The following GLI2 variants were observed in gnomAD, a reference collection of about 807,000 sequenced individuals.
GLI2 encodes transcription activator GLI2.
GLI2 carries 22 observed loss-of-function variants against 78.9 expected under a neutral mutation model. That is an observed-to-expected ratio of 0.28 (90% CI 0.20 to 0.40). The LOEUF (loss-of-function observed/expected upper bound fraction) is 0.40. Ranked by LOEUF, GLI2 falls within the 10% of genes least tolerant of loss-of-function variation. The pLI, the probability that GLI2 is intolerant of heterozygous loss-of-function variation, is 1.00. For missense variants in GLI2, 2,097 were observed against 2,213.2 expected (o/e 0.95, Z 1.05); for synonymous variants, 974 against 963.7 (o/e 1.01, Z -0.20).
At chr2:120,785,819 C>G (rs1683981464) in intron 1 of GLI2, among the ~76,000 whole-genome samples, 1 of 152,214 alleles carries the variant, frequency 6.6e-6, no homozygotes, top group Non-Finnish European at 1.5e-5. Context: ...TATCTCACAC[C>G]CAGAGTTGCA....
chr2:120,912,751 C>T (rs893725490), intron 2 of GLI2, among the ~76,000 whole-genome samples: 11 of 152,106 alleles, frequency 7.2e-5, no homozygotes, highest in African/African-American at 2.7e-4. Context: ...TGTCGAAGAT[C>T]TCGGGAGTCC....
intron 1 of GLI2, among the ~76,000 whole-genome samples, chr2:120,746,054 T>G (rs1161926897): frequency 6.6e-6 from 1 of 152,196 alleles, no homozygotes; most frequent in Admixed American, 6.5e-5. Context: ...TAGGACCTGG[T>G]GCCCAGCCCA....
intron 2 of GLI2, among the ~76,000 whole-genome samples, chr2:120,889,631 G>GTTTTT (rs1361903372): frequency 6.6e-6 from 1 of 151,918 alleles, no homozygotes; most frequent in Non-Finnish European, 1.5e-5. Context: ...AAACTCAACA[G>GTTTTT]TAAAAAAGAA....
intron 2 of GLI2, among the ~76,000 whole-genome samples, chr2:120,811,699 G>A (rs1362695322): frequency 6.6e-6 from 1 of 152,142 alleles, no homozygotes; most frequent in African/African-American, 2.4e-5. Flanking sequence ...AGGGGTAGTA[G>A]GGAGCCATTG....
In GLI2 at chr2:120,869,808, AACCCGTTCCC is replaced by A. The variant is rs1360473879; in HGVS notation, c.149-57552_149-57543del. On this transcript the variant is annotated intron_variant, in intron 2 of 13. Transcript: ENST00000361492. ...CTAAGGAAGGAAGGAAATGCAAGCAAACCCGTTCCCCAAGGTCAAAGGACACCCCCTCCTG... is the reference window on the plus strand; with the variant it reads ...CTAAGGAAGGAAGGAAATGCAAGCAACAAGGTCAAAGGACACCCCCTCCTG... Among the ~76,000 whole-genome samples the A allele has an allele frequency of 3.9e-4, 60 of 152,138 alleles. 1 individual carries two copies. The East Asian group carries it at 0.011, about 28-fold the overall frequency.
intron 2 of GLI2, among the ~76,000 whole-genome samples, chr2:120,912,500 A>G (rs1441296549): frequency 1.3e-5 from 2 of 152,098 alleles, no homozygotes; most frequent in Non-Finnish European, 2.9e-5. Flanking sequence ...TGGACACCGT[A>G]TCCCAGCAAA....
intron 2 of GLI2, among the ~76,000 whole-genome samples, chr2:120,882,098 A>G (rs1677182515): frequency 6.6e-6 from 1 of 152,054 alleles, no homozygotes; most frequent in African/African-American, 2.4e-5. Context: ...CCACTTCAGG[A>G]GTTGAACTTG....
At position 120,990,387 on chromosome 2, in the gene GLI2, A is replaced by T; in HGVS notation, c.4422A>T (p.Pro1474=). The T allele has an allele frequency of 1.9e-6, 3 of 1,614,016 alleles. No homozygotes were observed. Among genetic ancestry groups the T allele is most frequent in the Middle Eastern group, 1.6e-4 (1 of 6,062 alleles). Reference sequence around the variant, plus strand: ...TCCAGCCCCAGCCCTTGCCCTCACCAGGGGTCAACCAGGTGTCCAGCACTG... The same window carrying T: ...TCCAGCCCCAGCCCTTGCCCTCACCTGGGGTCAACCAGGTGTCCAGCACTG... ...DSIQPQPLPS[P]GVNQVSSTVD... is the part of the protein sequence containing the mutation. The change falls in exon 14 of 14, where the codon CCA becomes CCT. Residue 1474 remains proline, a synonymous_variant. Coordinates refer to ENST00000361492, the MANE Select transcript of GLI2 (RefSeq NM_001374353.1).
chr2:120,975,158 C>T, intron 9 of GLI2, 49 bp downstream of exon 9: 1 of 1,590,486 alleles, frequency 6.3e-7, no homozygotes. Context: ...CGGCCCAGGC[C>T]ATGCAGGATG....
At chr2:120,894,838 A>G (rs1419383689) in intron 2 of GLI2, among the ~76,000 whole-genome samples, 1 of 152,100 alleles carries the variant, frequency 6.6e-6, no homozygotes, top group East Asian at 1.9e-4. Flanking sequence ...AGCTGGGACT[A>G]CAGGCGCCTG....
chr2:120,841,978 G>T (rs1169947668), intron 2 of GLI2, among the ~76,000 whole-genome samples: 1 of 143,648 alleles, frequency 7.0e-6, no homozygotes, highest in Non-Finnish European at 1.5e-5. Flanking sequence ...TTGGCTTTTG[G>T]TAAGTTTTTT....
intron 12 of GLI2, 53 bp from the exon 13 acceptor site, chr2:120,986,225 A>G (rs1002761009): frequency 4.0e-6 from 6 of 1,517,556 alleles, no homozygotes; most frequent in Non-Finnish European, 5.5e-6. Context: ...AGGCAGGACC[A>G]GGTGGAATCT....
intron 2 of GLI2, among the ~76,000 whole-genome samples, chr2:120,825,816 C>G (rs1306666142): frequency 1.3e-5 from 2 of 152,248 alleles, no homozygotes; most frequent in Non-Finnish European, 2.9e-5. Context: ...ACCCCTGCCC[C>G]TAGGGCTAAG....
chr2:120,757,016 T>G (rs1683051588), intron 1 of GLI2, among the ~76,000 whole-genome samples: 1 of 152,188 alleles, frequency 6.6e-6, no homozygotes, highest in South Asian at 2.1e-4. Flanking sequence ...TTCTTCAATG[T>G]CTAATCTACC....
At chr2:120,860,324 C>T (rs1410756027) in intron 2 of GLI2, among the ~76,000 whole-genome samples, 1 of 152,204 alleles carries the variant, frequency 6.6e-6, no homozygotes, top group Non-Finnish European at 1.5e-5. Flanking sequence ...ATGAAGGTCT[C>T]ACCTCATCCT....
At chr2:120,909,146 A>G (rs964935009) in intron 2 of GLI2, among the ~76,000 whole-genome samples, 1 of 152,122 alleles carries the variant, frequency 6.6e-6, no homozygotes, top group Non-Finnish European at 1.5e-5. Flanking sequence ...TTGGGAATAA[A>G]TGCACCCTCC....
chr2:120,954,725 G>A (rs1681157110), intron 4 of GLI2, among the ~76,000 whole-genome samples: 1 of 152,194 alleles, frequency 6.6e-6, no homozygotes, highest in Non-Finnish European at 1.5e-5. Flanking sequence ...CAGGGTTGAA[G>A]CAGACAGCCC....
At chr2:120,906,816 G>T (rs535009924) in intron 2 of GLI2, among the ~76,000 whole-genome samples, 34 of 152,052 alleles carry the variant, frequency 2.2e-4, no homozygotes, top group South Asian at 8.3e-4. Flanking sequence ...TGCTTGACTC[G>T]CCCTCCCTGC....
At chr2:120,744,550 T>C (rs927719488) in intron 1 of GLI2, among the ~76,000 whole-genome samples, 1 of 152,224 alleles carries the variant, frequency 6.6e-6, no homozygotes, top group Admixed American at 6.5e-5. Flanking sequence ...GTAATTTACA[T>C]ACACAGTATA....
Sources: gnomAD v4.1 joint callset for allele counts (sites outside exome capture counted in the v4.1 genomes callset) on GRCh38, gnomAD v4.1.1 for gene constraint, MANE v1.5 for transcripts, NCBI Gene and HGNC (gene_info 2026-07-23, HGNC 2026-07-21) for gene names.